The following UGT8 variants were observed in gnomAD, a reference collection of about 807,000 sequenced individuals.
UGT8 encodes the protein 2-hydroxyacylsphingosine 1-beta-galactosyltransferase.
Under a neutral mutation model 40.5 loss-of-function variants are expected in UGT8, and 12 were observed. That is an observed-to-expected ratio of 0.30 (90% CI 0.19 to 0.48). UGT8 has a LOEUF of 0.48. Ranked by LOEUF, UGT8 falls within the 20% of genes least tolerant of loss-of-function variation. The pLI is 0.99. For synonymous variants in UGT8, 224 were observed against 240.4 expected, an observed-to-expected ratio of 0.93 and a Z score of 0.63; for missense variants, 513 against 648.7, an observed-to-expected ratio of 0.79 and a Z score of 2.27.
intron 1 of UGT8, among the ~76,000 whole-genome samples, chr4:114,613,263 G>T (rs1310465966): frequency 6.6e-6 from 1 of 152,028 alleles, no homozygotes; most frequent in Non-Finnish European, 1.5e-5. Flanking sequence ...TACCATACAT[G>T]TCCAAAAAAC....
chr4:114,668,346 CA>C (rs1735024212), intron 5 of UGT8, 42 bp downstream of exon 5: 1 of 1,529,440 alleles, frequency 6.5e-7, no homozygotes, highest in Admixed American at 1.7e-5. Flanking sequence ...ACTTACATAC[CA>C]CAGTATATTG....
At chr4:114,664,579 C>T (rs894720274) in intron 3 of UGT8, among the ~76,000 whole-genome samples, 10 of 152,114 alleles carry the variant, frequency 6.6e-5, no homozygotes, top group Admixed American at 6.5e-4. Context: ...CACTTTGTCT[C>T]CTTTACATTA....
intron 1 of UGT8, among the ~76,000 whole-genome samples, chr4:114,612,282 G>A (rs745498800): frequency 1.3e-5 from 2 of 152,106 alleles, no homozygotes; most frequent in Admixed American, 6.5e-5. Context: ...TTGTACAAGT[G>A]TAGCCTAGAT....
chr4:114,640,762 G>T (rs991431241), intron 2 of UGT8, among the ~76,000 whole-genome samples: 1 of 152,066 alleles, frequency 6.6e-6, no homozygotes, highest in African/African-American at 2.4e-5. Flanking sequence ...AAAAATTCCT[G>T]TTTTAAAAAT....
At chr4:114,619,250 A>G (rs1731623733) in intron 1 of UGT8, among the ~76,000 whole-genome samples, 1 of 152,246 alleles carries the variant, frequency 6.6e-6, no homozygotes, top group South Asian at 2.1e-4. Flanking sequence ...GTGTTTCTAT[A>G]CATTTAGAAA....
intron 2 of UGT8, among the ~76,000 whole-genome samples, chr4:114,647,736 G>A (rs1007610711): frequency 6.6e-6 from 1 of 152,052 alleles, no homozygotes; most frequent in Non-Finnish European, 1.5e-5. Flanking sequence ...AGGAGCATGA[G>A]GTCCAAGGAG....
At chr4:114,662,715 A>G (rs985692499) in intron 2 of UGT8, among the ~76,000 whole-genome samples, 1 of 152,076 alleles carries the variant, frequency 6.6e-6, no homozygotes, top group Non-Finnish European at 1.5e-5. Context: ...TTTAGGTGAT[A>G]AAATGAATAG....
chr4:114,667,835 G>C (rs1323273915), intron 4 of UGT8: 16 of 796,132 alleles, frequency 2.0e-5, no homozygotes, highest in Non-Finnish European at 2.4e-5. Flanking sequence ...TGCAATATTT[G>C]TGTTAAAAAT....
At chr4:114,637,737 A>G (rs1483690612) in intron 2 of UGT8, among the ~76,000 whole-genome samples, 2 of 152,246 alleles carry the variant, frequency 1.3e-5, no homozygotes, top group Non-Finnish European at 2.9e-5. Flanking sequence ...TTCCAATTAT[A>G]TACCTGCTAA....
At chr4:114,672,282 C>A (rs1372742047) in intron 5 of UGT8, among the ~76,000 whole-genome samples, 1 of 152,086 alleles carries the variant, frequency 6.6e-6, no homozygotes, top group East Asian at 1.9e-4. Flanking sequence ...GGATCTAGAA[C>A]CAGAAGTACC....
chr4:114,669,280 A>G (rs989699203), intron 5 of UGT8, among the ~76,000 whole-genome samples: 2 of 152,108 alleles, frequency 1.3e-5, no homozygotes, highest in East Asian at 1.9e-4. Flanking sequence ...CATTGGAGCA[A>G]TGTGTTCCAT....
intron 5 of UGT8, among the ~76,000 whole-genome samples, chr4:114,671,406 C>A (rs113887995): frequency 6.6e-6 from 1 of 152,126 alleles, no homozygotes; most frequent in Non-Finnish European, 1.5e-5. Flanking sequence ...GGAGGCATTA[C>A]GCTACCTGAC....
chr4:114,656,843 A>G (rs780024786), intron 2 of UGT8: 10 of 511,972 alleles, frequency 2.0e-5, no homozygotes, highest in Non-Finnish European at 3.7e-5. Context: ...TCATTTCCCC[A>G]TATCTACTTA....
At chr4:114,654,092 T>G (rs944096642) in intron 2 of UGT8, among the ~76,000 whole-genome samples, 1 of 152,114 alleles carries the variant, frequency 6.6e-6, no homozygotes, top group Non-Finnish European at 1.5e-5. Context: ...GGAAATGTAG[T>G]AAGTATTACA....
At chr4:114,645,106 G>T (rs953930375) in intron 2 of UGT8, among the ~76,000 whole-genome samples, 3 of 152,116 alleles carry the variant, frequency 2.0e-5, no homozygotes, top group Non-Finnish European at 4.4e-5. Flanking sequence ...GGGAATTCAG[G>T]CTGTGTTTAT....
chr4:114,617,210 T>G (rs1469336834), intron 1 of UGT8, among the ~76,000 whole-genome samples: 1 of 152,230 alleles, frequency 6.6e-6, no homozygotes, highest in Non-Finnish European at 1.5e-5. Context: ...GCTGAGATTG[T>G]GCCATTGCAC....
chr4:114,654,368 C>T (rs1734051880), intron 2 of UGT8, among the ~76,000 whole-genome samples: 1 of 151,948 alleles, frequency 6.6e-6, no homozygotes, highest in Non-Finnish European at 1.5e-5. Flanking sequence ...GAGAAAGAAA[C>T]CAAATGAAGA....
intron 2 of UGT8, among the ~76,000 whole-genome samples, chr4:114,647,597 C>G (rs1466396105): frequency 6.6e-6 from 1 of 152,100 alleles, no homozygotes; most frequent in Non-Finnish European, 1.5e-5. Flanking sequence ...AACTCTTGAT[C>G]TCAAATGATC....
chr4:114,654,040 A>G (rs757652505), intron 2 of UGT8, among the ~76,000 whole-genome samples: 7 of 152,122 alleles, frequency 4.6e-5, no homozygotes, highest in Non-Finnish European at 8.8e-5. Context: ...AGTGGACTTC[A>G]AAAGGGAATA....
Sources: allele counts gnomAD v4.1 joint callset (sites outside exome capture counted in the v4.1 genomes callset), GRCh38; gene constraint gnomAD v4.1.1; transcripts MANE v1.5; gene names NCBI Gene and HGNC (gene_info 2026-07-23, HGNC 2026-07-21).